Variants in MGAT5 observed in about 807,000 individuals in gnomAD.
MGAT5 encodes alpha-1,6-mannosylglycoprotein 6-beta-N-acetylglucosaminyltransferase A.
In MGAT5, 30 loss-of-function variants were observed where a neutral mutation model predicts 94.3. The ratio of observed to expected loss-of-function variants is 0.32; its 90% CI spans 0.24 to 0.43. The LOEUF (loss-of-function observed/expected upper bound fraction) is 0.43, where lower values mean the gene tolerates loss of function less well. Among genes scored for constraint, MGAT5 ranks in the 20% least tolerant of loss-of-function variants. The pLI is 1.00. For missense variants in MGAT5, 691 were observed against 905.5 expected, an observed-to-expected ratio of 0.76 and a Z score of 3.04; for synonymous variants, 310 against 322.9, an observed-to-expected ratio of 0.96 and a Z score of 0.43.
intron 2 of MGAT5, among the ~76,000 whole-genome samples, chr2:134,300,891 C>T (rs72978129): frequency 0.017 from 2,647 of 152,224 alleles, 87 homozygotes; most frequent in African/African-American, 0.06. Flanking sequence ...AATTTTCATA[C>T]CCTGCACAGC....
intron 1 of MGAT5, among the ~76,000 whole-genome samples, chr2:134,184,380 G>A (rs991784203): frequency 5.9e-5 from 9 of 152,180 alleles, no homozygotes; most frequent in Admixed American, 5.9e-4. Flanking sequence ...AGCCTGCAGG[G>A]AAGGGTACCC....
At chr2:134,412,273 C>A (rs540557021) in intron 11 of MGAT5, among the ~76,000 whole-genome samples, 1 of 152,242 alleles carries the variant, frequency 6.6e-6, no homozygotes, top group East Asian at 1.9e-4. Context: ...CACCCTCTCT[C>A]CCCTCTGAGG....
At chr2:134,226,179 C>T (rs550954798) in intron 1 of MGAT5, among the ~76,000 whole-genome samples, 4 of 152,344 alleles carry the variant, frequency 2.6e-5, no homozygotes, top group South Asian at 2.1e-4. Flanking sequence ...ATCTTTACAT[C>T]TTTAAAGCTT....
intron 11 of MGAT5, among the ~76,000 whole-genome samples, chr2:134,404,586 TAAG>T (rs896233322): frequency 8.0e-4 from 122 of 152,294 alleles, no homozygotes; most frequent in African/African-American, 2.8e-3. Context: ...CACTCAAACT[TAAG>T]AACTCTTAGT....
chr2:134,311,486 G>A (rs1175329296), intron 2 of MGAT5, among the ~76,000 whole-genome samples: 1 of 152,134 alleles, frequency 6.6e-6, no homozygotes, highest in African/African-American at 2.4e-5. Context: ...GTCAGCCATT[G>A]CTCTGAAAGA....
At chr2:134,244,254 C>T (rs992421987) in intron 1 of MGAT5, among the ~76,000 whole-genome samples, 10 of 151,550 alleles carry the variant, frequency 6.6e-5, no homozygotes, top group Admixed American at 6.6e-4. Context: ...ATCTTAAAGC[C>T]TGTTCATGGT....
intron 2 of MGAT5, among the ~76,000 whole-genome samples, chr2:134,314,251 A>G (rs1001108095): frequency 3.9e-5 from 6 of 152,324 alleles, no homozygotes; most frequent in African/African-American, 1.4e-4. Context: ...CCCCTTATCT[A>G]TTCATACCCA....
chr2:134,388,026 A>C (rs1682140010), intron 10 of MGAT5, among the ~76,000 whole-genome samples: 1 of 152,216 alleles, frequency 6.6e-6, no homozygotes, highest in Non-Finnish European at 1.5e-5. Flanking sequence ...CATGGGGATC[A>C]GAGCCTTGGA....
intron 11 of MGAT5, among the ~76,000 whole-genome samples, chr2:134,403,937 G>A (rs1211581053): frequency 6.6e-6 from 1 of 152,192 alleles, no homozygotes; most frequent in Non-Finnish European, 1.5e-5. Context: ...GACACTGTAG[G>A]GAAGTCCACC....
chr2:134,404,362 C>G (rs1683223329), intron 11 of MGAT5, among the ~76,000 whole-genome samples: 1 of 152,128 alleles, frequency 6.6e-6, no homozygotes, highest in South Asian at 2.1e-4. Flanking sequence ...AAAGTGTATT[C>G]ACATATGCTA....
chr2:134,352,923 A>G (rs1039290901), intron 9 of MGAT5, among the ~76,000 whole-genome samples: 4 of 152,202 alleles, frequency 2.6e-5, no homozygotes, highest in Non-Finnish European at 5.9e-5. Context: ...AACCTCAAGC[A>G]TATTATGCTA....
At chr2:134,221,475 A>G (rs887636351) in intron 1 of MGAT5, among the ~76,000 whole-genome samples, 3 of 151,964 alleles carry the variant, frequency 2.0e-5, no homozygotes, top group Non-Finnish European at 2.9e-5. Flanking sequence ...GAGAGAGAGA[A>G]AGAGAGAGCA....
At chr2:134,267,944 C>T (rs1400749502) in intron 1 of MGAT5, among the ~76,000 whole-genome samples, 1 of 152,214 alleles carries the variant, frequency 6.6e-6, no homozygotes, top group Non-Finnish European at 1.5e-5. Flanking sequence ...GTGGGGAATA[C>T]AGAGGGGTTG....
intron 1 of MGAT5, among the ~76,000 whole-genome samples, chr2:134,259,047 A>C (rs1257221): frequency 0.75 from 114,717 of 152,170 alleles, 43,379 homozygotes; most frequent in African/African-American, 0.78. Context: ...AGACTTCTGA[A>C]CTTCTTTGGG....
chr2:134,291,711 G>T (rs1277879202), intron 2 of MGAT5, among the ~76,000 whole-genome samples: 1 of 152,214 alleles, frequency 6.6e-6, no homozygotes, highest in African/African-American at 2.4e-5. Flanking sequence ...TGAGAGCCCT[G>T]TAAGGCAAGT....
At chr2:134,275,694 C>T (rs916346667) in intron 2 of MGAT5, among the ~76,000 whole-genome samples, 11 of 151,536 alleles carry the variant, frequency 7.3e-5, no homozygotes, top group Middle Eastern at 3.4e-3. Flanking sequence ...CACCCCCTGC[C>T]GCCTCAGCCT....
At chr2:134,404,506 G>A (rs537940191) in intron 11 of MGAT5, among the ~76,000 whole-genome samples, 34 of 152,264 alleles carry the variant, frequency 2.2e-4, no homozygotes, top group African/African-American at 7.7e-4. Flanking sequence ...CCTGGAGGTG[G>A]CCCTAACTCA....
At chr2:134,227,039 T>C (rs556308652) in intron 1 of MGAT5, among the ~76,000 whole-genome samples, 32 of 151,924 alleles carry the variant, frequency 2.1e-4, no homozygotes, top group African/African-American at 7.5e-4. Flanking sequence ...CAAATGTTGG[T>C]AACTAATAAA....
intron 1 of MGAT5, among the ~76,000 whole-genome samples, chr2:134,171,552 T>G (rs539093769): frequency 2.9e-4 from 44 of 152,224 alleles, no homozygotes; most frequent in Admixed American, 1.6e-3. Context: ...TGCCTCTGGG[T>G]GTCGAAGTGA....
Sources: allele counts gnomAD v4.1 joint callset (sites outside exome capture counted in the v4.1 genomes callset), GRCh38; gene constraint gnomAD v4.1.1; transcripts MANE v1.5; gene names NCBI Gene and HGNC (gene_info 2026-07-23, HGNC 2026-07-21).